ZNF865: variants seen among roughly 807,000 people sequenced by gnomAD.
ZNF865 encodes zinc finger protein 865.
For missense variants in ZNF865, 1,311 were observed against 1,593.4 expected (o/e 0.82, Z 3.02); for synonymous variants, 763 against 750.8 (o/e 1.02, Z -0.27).
Position 55,613,806 on chromosome 19 carries a change from G to GCCC in ZNF865, c.192_194dup (p.Pro66dup). On this transcript the variant is annotated inframe_insertion, in exon 2 of 2. Transcript: ENST00000568956. ...GTGGCGGCCCTGCCCTGCGCCCCCGGCCCCCCGCCGCAGCCCCCGCCGCAG... is the reference window on the plus strand; with the variant it reads ...GTGGCGGCCCTGCCCTGCGCCCCCGGCCCCCCCCCGCCGCAGCCCCCGCCGCAG... The GCCC allele has an allele frequency of 1.4e-6, 2 of 1,456,318 alleles. No individual in the cohort carries two copies. Among genetic ancestry groups the GCCC allele is most frequent in the Non-Finnish European group, 9.1e-7 (1 of 1,099,768 alleles). The allele number at this position is 1,456,318 out of a possible 1,614,324, so 90.2% of individuals were successfully genotyped here.
chr19:55,614,149 G>A lies in ZNF865; in HGVS notation c.531G>A (p.Leu177=), dbSNP rs1322526542. The A allele has an allele frequency of 1.4e-6, 2 of 1,440,424 alleles. No individual in the cohort carries two copies. The highest frequency in any genetic ancestry group is 1.8e-6 in the Non-Finnish European group (2 of 1,107,264). 89.2% of individuals were successfully genotyped at this position (1,440,424 alleles called of 1,614,324 possible). A position where few individuals can be genotyped will look rare whatever the true frequency, so the allele number is the denominator to read the frequency against. ...PASGPGVTPG[L]GAPAGAPGPL... ...CCGGGCCGGGGGTGACGCCTGGGCT[G>A]GGCGCTCCCGCGGGGGCCCCAGGGC... The change falls in exon 2 of 2, where the codon CTG becomes CTA. Residue 177 remains leucine, a synonymous_variant. Coordinates refer to ENST00000568956, the MANE Select transcript of ZNF865 (RefSeq NM_001195605.2). This position sits in a 1 kb window ranked among gnomAD's most constrained non-coding sequence, Gnocchi z 8.0.
intron 1 of ZNF865, 132 bp from the exon 2 acceptor site, chr19:55,613,461 G>A (rs1346033525): frequency 1.2e-6 from 1 of 832,742 alleles, no homozygotes; most frequent in Non-Finnish European, 1.8e-6. Flanking sequence ...CAGGCAGAGG[G>A]ACTGGAAGCC....
At chr19:55,607,666 CTA>C (rs1980992336) in intron 1 of ZNF865, among the ~76,000 whole-genome samples, 1 of 152,284 alleles carries the variant, frequency 6.6e-6, no homozygotes, top group South Asian at 2.1e-4. Context: ...CAGGATTTTC[CTA>C]TGTCTTGTCA....
At chr19:55,610,596 T>C (rs1338489234) in intron 1 of ZNF865, among the ~76,000 whole-genome samples, 1 of 152,162 alleles carries the variant, frequency 6.6e-6, no homozygotes, top group Non-Finnish European at 1.5e-5. Context: ...TGTGGACCCA[T>C]TGGTAATTTA....
rs1368800878 is a variant in ZNF865, at chr19:55,614,531, A to C, written c.913A>C (p.Thr305Pro). 5 of 1,261,566 alleles carry C rather than the reference A, an allele frequency of 4.0e-6. No homozygotes were observed. In the African/African-American group the frequency reaches 5.2e-5, roughly 13 times the overall value. 78.1% of individuals were successfully genotyped at this position (1,261,566 alleles called of 1,614,324 possible). A position where few individuals can be genotyped will look rare whatever the true frequency, so the allele number is the denominator to read the frequency against. Residue 305 changes from threonine to proline, a missense_variant, in exon 2 of 2, where the codon ACC (threonine) becomes CCC (proline). By Grantham distance (38) the Thr-to-Pro change is conservative. Coordinates refer to ENST00000568956, the MANE Select transcript of ZNF865 (RefSeq NM_001195605.2). The surrounding 1 kb of genome is among the most constrained non-coding windows in gnomAD (Gnocchi z 8.0). Reference sequence around the variant, plus strand: ...CCCAGCACCCGCTGCCAGCGCCGCCACCGCCGCCGCCCCCTCCACGGTGTC... The same window carrying C: ...CCCAGCACCCGCTGCCAGCGCCGCCCCCGCCGCCGCCCCCTCCACGGTGTC... Reference protein sequence around the residue: ...GLPAPAASAATAAAPSTVSSG... With the variant: ...GLPAPAASAAPAAAPSTVSSG...
At chr19:55,608,104 G>A (rs1186551539) in intron 1 of ZNF865, among the ~76,000 whole-genome samples, 1 of 152,170 alleles carries the variant, frequency 6.6e-6, no homozygotes, top group African/African-American at 2.4e-5. Context: ...GTGGGCCTGG[G>A]TGACAGGTCA....
Position 55,615,420 on chromosome 19 carries a change from C to A in ZNF865, c.1802C>A (p.Thr601Lys). 1 of 1,494,404 alleles carries A rather than the reference C, an allele frequency of 6.7e-7. No homozygotes were observed. Among genetic ancestry groups the A allele is most frequent in the Non-Finnish European group, 8.9e-7 (1 of 1,126,354 alleles). 92.6% of individuals were successfully genotyped at this position (1,494,404 alleles called of 1,614,324 possible). A position where few individuals can be genotyped will look rare whatever the true frequency, so the allele number is the denominator to read the frequency against. ...FHLSKHHVVH[T>K]RERPYKCELC... ...TTGAGCAAGCATCACGTGGTGCACA[C>A]GCGCGAGCGGCCCTACAAGTGCGAG... is the stretch of plus-strand genomic sequence containing the variant. Residue 601 changes from threonine (T) to lysine (K), a missense_variant, in exon 2 of 2, where the codon ACG (threonine) becomes AAG (lysine). Thr to Lys is a moderately conservative substitution (Grantham distance 78). Coordinates refer to ENST00000568956, the MANE Select transcript of ZNF865 (RefSeq NM_001195605.2).
rs987816096 is a variant in ZNF865, at chr19:55,611,396, T to A, written c.-26-2197T>A. Among the ~76,000 whole-genome samples the A allele has an allele frequency of 6.6e-6, 1 of 152,098 alleles. No homozygotes were observed. Among genetic ancestry groups the A allele is most frequent in the Non-Finnish European group, 1.5e-5 (1 of 67,998 alleles). On this transcript the variant is annotated intron_variant, in intron 1 of 1. Coordinates refer to ENST00000568956, the MANE Select transcript of ZNF865 (RefSeq NM_001195605.2). This position sits in a 1 kb window ranked among gnomAD's most constrained non-coding sequence, Gnocchi z 4.5. ...CCCTATTCCCTGCATCCTTATGGCC[T>A]GTGTTTGCCTCCCTGGCCAGTCAGC...
At position 55,614,657 on chromosome 19, in the gene ZNF865, G is replaced by A. The variant is rs765966417; in HGVS notation, c.1039G>A (p.Asp347Asn). Residue 347 changes from aspartate to asparagine, a missense_variant, in exon 2 of 2, where the codon GAT (aspartate) becomes AAT (asparagine). Transcript: ENST00000568956. This position sits in a 1 kb window ranked among gnomAD's most constrained non-coding sequence, Gnocchi z 8.0. ...GCCCCCTCCTGCCACCGGGGGTGGCGATGGCCCGTTCGCCTGCCCACTCTG... is the reference window on the plus strand; with the variant it reads ...GCCCCCTCCTGCCACCGGGGGTGGCAATGGCCCGTTCGCCTGCCCACTCTG... ...GVPPPATGGG[D>N]GPFACPLCWK... 6 of 1,539,118 alleles carry A rather than the reference G, an allele frequency of 3.9e-6. No individual in the cohort carries two copies. Among genetic ancestry groups the A allele is most frequent in the Admixed American group, 3.9e-5 (2 of 50,832 alleles).
At chr19:55,610,330 A>G (rs1281785174) in intron 1 of ZNF865, among the ~76,000 whole-genome samples, 1 of 152,112 alleles carries the variant, frequency 6.6e-6, no homozygotes, top group Non-Finnish European at 1.5e-5. Flanking sequence ...GCACGATCTC[A>G]GCTCACTGCA....
Position 55,614,977 on chromosome 19 carries a change from G to T in ZNF865, c.1359G>T (p.Pro453=), listed in dbSNP as rs1365056502. The T allele has an allele frequency of 2.4e-5, 34 of 1,425,488 alleles. No individual in the cohort carries two copies. Among genetic ancestry groups the T allele is most frequent in the Non-Finnish European group, 3.0e-5 (33 of 1,097,290 alleles). 88.3% of individuals were successfully genotyped at this position (1,425,488 alleles called of 1,614,324 possible). A position where few individuals can be genotyped will look rare whatever the true frequency, so the allele number is the denominator to read the frequency against. ...CDLCGKSYSA[P]QSLLRHKAAH... is the part of the protein sequence containing the mutation. ...TGTGCGGCAAGTCCTACTCGGCTCC[G>T]CAGAGCCTGCTCCGCCACAAGGCCG... Residue 453 remains proline (P), a synonymous_variant, in exon 2 of 2, where the codon CCG becomes CCT. Transcript: ENST00000568956. This position sits in a 1 kb window ranked among gnomAD's most constrained non-coding sequence, Gnocchi z 8.0.
chr19:55,615,091 G>A lies in ZNF865; in HGVS notation c.1473G>A (p.Pro491=). The A allele has an allele frequency of 1.0e-5, 5 of 488,162 alleles. No individual in the cohort carries two copies. The highest frequency in any genetic ancestry group is 1.1e-5 in the Non-Finnish European group (4 of 369,146). 30.2% of individuals were successfully genotyped at this position (488,162 alleles called of 1,614,324 possible). A position where few individuals can be genotyped will look rare whatever the true frequency, so the allele number is the denominator to read the frequency against. ...PQPPPTFPPG[P]YLLPPDPPTT... Reference sequence around the variant, plus strand: ...CCCCGCCCACCTTCCCCCCGGGCCCGTACCTCCTGCCCCCCGACCCTCCCA... The same window carrying A: ...CCCCGCCCACCTTCCCCCCGGGCCCATACCTCCTGCCCCCCGACCCTCCCA... The change falls in exon 2 of 2, where the codon CCG becomes CCA. Residue 491 remains proline, a synonymous_variant. Coordinates refer to ENST00000568956, the MANE Select transcript of ZNF865 (RefSeq NM_001195605.2).
At position 55,617,024 on chromosome 19, in the gene ZNF865, T is replaced by A; in HGVS notation, c.*226T>A. Reference sequence around the variant, plus strand: ...ATCAGACACTGAACCCTATCCTCCGTCCAACCCTCGTTTGTGACCCGCATC... The same window carrying A: ...ATCAGACACTGAACCCTATCCTCCGACCAACCCTCGTTTGTGACCCGCATC... On this transcript the variant is annotated 3_prime_UTR_variant, in exon 2 of 2. Coordinates refer to ENST00000568956, the MANE Select transcript of ZNF865 (RefSeq NM_001195605.2). 1 of 443,930 alleles carries A rather than the reference T, an allele frequency of 2.3e-6. No individual in the cohort carries two copies. The highest frequency in any genetic ancestry group is 3.9e-6 in the Non-Finnish European group (1 of 258,280). 27.5% of individuals were successfully genotyped at this position (443,930 alleles called of 1,614,324 possible).
In ZNF865 at chr19:55,614,320, G is replaced by A. The variant is rs2123591458; in HGVS notation, c.702G>A (p.Lys234=). 1.3e-6 allele frequency: 2 copies of A among 1,504,174 alleles called. No homozygotes were observed. The highest frequency in any genetic ancestry group is 2.1e-5 in the Admixed American group (1 of 47,618). 93.2% of individuals were successfully genotyped at this position (1,504,174 alleles called of 1,614,324 possible). ...GCGGCGTGTGCCAGAAGTCCTTCAAGCAGTCCTCGCACCTGGTCCAGCACA... is the reference window on the plus strand; with the variant it reads ...GCGGCGTGTGCCAGAAGTCCTTCAAACAGTCCTCGCACCTGGTCCAGCACA... ...FPCGVCQKSF[K]QSSHLVQHML... The change falls in exon 2 of 2, where the codon AAG becomes AAA. Residue 234 remains lysine, a synonymous_variant. Coordinates refer to ENST00000568956, the MANE Select transcript of ZNF865 (RefSeq NM_001195605.2). This position sits in a 1 kb window ranked among gnomAD's most constrained non-coding sequence, Gnocchi z 8.0.
Position 55,614,535 on chromosome 19 carries a change from C to A in ZNF865, c.917C>A (p.Ala306Asp). The change falls in exon 2 of 2, where the codon GCC becomes GAC. Residue 306 changes from alanine (A) to aspartate (D), a missense_variant. Coordinates refer to ENST00000568956, the MANE Select transcript of ZNF865 (RefSeq NM_001195605.2). This position sits in a 1 kb window ranked among gnomAD's most constrained non-coding sequence, Gnocchi z 8.0. ...GCACCCGCTGCCAGCGCCGCCACCG[C>A]CGCCGCCCCCTCCACGGTGTCCTCG... is the stretch of plus-strand genomic sequence containing the variant. Reference protein sequence around the residue: ...LPAPAASAATAAAPSTVSSGP... With the variant: ...LPAPAASAATDAAPSTVSSGP... 1.4e-6 allele frequency: 2 copies of A among 1,393,282 alleles called. No homozygotes were observed. Among genetic ancestry groups the A allele is most frequent in the Non-Finnish European group, 1.8e-6 (2 of 1,082,908 alleles). 86.3% of individuals were successfully genotyped at this position (1,393,282 alleles called of 1,614,324 possible). A position where few individuals can be genotyped will look rare whatever the true frequency, so the allele number is the denominator to read the frequency against.
Position 55,613,816 on chromosome 19 carries a change from G to A in ZNF865, c.198G>A (p.Pro66=), listed in dbSNP as rs1191725578. The part of the protein sequence containing the change: ...AALPCAPGPP[P]QPPPQPPPPQ... ...TGCCCTGCGCCCCCGGCCCCCCGCC[G>A]CAGCCCCCGCCGCAGCCCCCTCCCC... The change falls in exon 2 of 2, where the codon CCG becomes CCA. Residue 66 remains proline (P), a synonymous_variant. Coordinates refer to ENST00000568956, the MANE Select transcript of ZNF865 (RefSeq NM_001195605.2). The A allele has an allele frequency of 3.0e-6, 2 of 660,252 alleles. No homozygotes were observed. The highest frequency in any genetic ancestry group is 3.5e-6 in the Non-Finnish European group (2 of 566,126). The allele number at this position is 660,252 out of a possible 1,614,324, so 40.9% of individuals were successfully genotyped here.
chr19:55,614,920 C>G lies in ZNF865; in HGVS notation c.1302C>G (p.Ala434=). The change falls in exon 2 of 2, where the codon GCC becomes GCG. Residue 434 remains alanine (A), a synonymous_variant. Coordinates refer to ENST00000568956, the MANE Select transcript of ZNF865 (RefSeq NM_001195605.2). The surrounding 1 kb of genome is among the most constrained non-coding windows in gnomAD (Gnocchi z 8.0). ...AGGCGGCCCACGCGGGGGCGGGCGC[C>G]GGGGGGCCTCGGCCCGTGTACCCCT... ...KHQAAHAGAG[A]GGPRPVYPCD... 1 of 1,484,438 alleles carries G rather than the reference C, an allele frequency of 6.7e-7. No homozygotes were observed. The highest frequency in any genetic ancestry group is 2.5e-5 in the East Asian group (1 of 39,644). 92.0% of individuals were successfully genotyped at this position (1,484,438 alleles called of 1,614,324 possible). A position where few individuals can be genotyped will look rare whatever the true frequency, so the allele number is the denominator to read the frequency against.
In ZNF865 at chr19:55,615,581, G is replaced by C; in HGVS notation, c.1963G>C (p.Gly655Arg). ...AGGCACACCGGGGGCCTGTGGGCCC[G>C]GGGCCTCGGGCACGTCTGCAGGGCC... is the stretch of plus-strand genomic sequence containing the variant. ...TQGTPGACGP[G>R]ASGTSAGPTD... Residue 655 changes from glycine to arginine, a missense_variant, in exon 2 of 2, where the codon GGG (glycine) becomes CGG (arginine). By Grantham distance (125) the Gly-to-Arg change is moderately radical. Coordinates refer to ENST00000568956, the MANE Select transcript of ZNF865 (RefSeq NM_001195605.2). 6.5e-7 allele frequency: 1 copy of C among 1,529,026 alleles called. No homozygotes were observed. The highest frequency in any genetic ancestry group is 8.7e-7 in the Non-Finnish European group (1 of 1,143,844). 94.7% of individuals were successfully genotyped at this position (1,529,026 alleles called of 1,614,324 possible). A position where few individuals can be genotyped will look rare whatever the true frequency, so the allele number is the denominator to read the frequency against.
At chr19:55,606,367 G>A (rs1012077943) in intron 1 of ZNF865, among the ~76,000 whole-genome samples, 12 of 151,786 alleles carry the variant, frequency 7.9e-5, no homozygotes, top group African/African-American at 2.2e-4. Context: ...CCCCCCCATC[G>A]CAGCGGCACA....
Sources: allele counts gnomAD v4.1 joint callset (sites outside exome capture counted in the v4.1 genomes callset), GRCh38; gene constraint gnomAD v4.1.1; non-coding constraint Gnocchi (gnomAD v3.1); transcripts MANE v1.5; gene names NCBI Gene and HGNC (gene_info 2026-07-23, HGNC 2026-07-21).